DGCR8: variants seen among roughly 807,000 people sequenced by gnomAD.
DGCR8 encodes the protein DGCR8 microprocessor complex subunit.
In DGCR8, 14 loss-of-function variants were observed where a neutral mutation model predicts 78.5. That is an observed-to-expected ratio of 0.18 (90% CI 0.12 to 0.28). The LOEUF (loss-of-function observed/expected upper bound fraction) is 0.28. DGCR8 is among the 10% of genes least tolerant of loss of function. The pLI, the probability that DGCR8 is intolerant of heterozygous loss-of-function variation, is 1.00. For synonymous variants in DGCR8, 399 were observed against 402.4 expected (o/e 0.99, Z 0.10); for missense variants, 702 against 1,022.5 (o/e 0.69, Z 4.28).
chr22:20,102,206 T>C (rs1020519944), intron 9 of DGCR8: 8 of 388,910 alleles, frequency 2.1e-5, no homozygotes, highest in Non-Finnish European at 2.1e-5. Flanking sequence ...AGAACATTTC[T>C]GTACATTCCA....
At position 20,086,208 on chromosome 22, in the gene DGCR8, A is replaced by G. The variant is rs1290295244; in HGVS notation, c.245A>G (p.Lys82Arg). The G allele has an allele frequency of 1.9e-6, 3 of 1,613,938 alleles. No homozygotes were observed. The highest frequency in any genetic ancestry group is 1.3e-5 in the African/African-American group (1 of 74,878). The change falls in exon 2 of 14, where the codon AAG (lysine) becomes AGG (arginine). Residue 82 changes from lysine to arginine, a missense_variant. Around this residue, in one of 4 missense-constraint regions of DGCR8, gnomAD observed 356 missense variants for 448.9 expected, o/e 0.79. Transcript: ENST00000351989. This position sits in a 1 kb window ranked among gnomAD's most constrained non-coding sequence, Gnocchi z 6.4. The stretch of plus-strand genomic sequence containing the variant: ...CTTCTCTCCAAAGGATCCTTCTCTA[A>G]GGGCCGCCTCCTCATAGACCCGAAC... ...ASLLSKGSFS[K>R]GRLLIDPNCS...
chr22:20,103,117 A>C (rs1337546162), intron 9 of DGCR8, among the ~76,000 whole-genome samples: 2 of 151,870 alleles, frequency 1.3e-5, no homozygotes, highest in African/African-American at 4.8e-5. Context: ...CAGCCTGGGC[A>C]ACAAGAGCGA....
rs3827292 is a variant in DGCR8 at position 20,084,893 on chromosome 22, G to C, written c.-277-794G>C. ...GCTGTGGGTCTCCCCTCTCAAGTAG[G>C]AACCTACTTGTGGCATGAGAGTCGC... On this transcript the variant is annotated intron_variant, in intron 1 of 13. Transcript: ENST00000351989. 3,614 of 825,314 alleles carry C rather than the reference G, an allele frequency of 4.4e-3. 291 individuals carry two copies. In the East Asian group the frequency reaches 0.21, roughly 49 times the overall value. The allele number at this position is 825,314 out of a possible 1,614,324, so 51.1% of individuals were successfully genotyped here.
In DGCR8 at chr22:20,111,038, C is replaced by T. The variant is rs894005937; in HGVS notation, c.*930C>T. The T allele has an allele frequency of 7.5e-6, 3 of 397,422 alleles. No homozygotes were observed. The highest frequency in any genetic ancestry group is 1.3e-5 in the Non-Finnish European group (3 of 226,036). 24.6% of individuals were successfully genotyped at this position (397,422 alleles called of 1,614,324 possible). The stretch of plus-strand genomic sequence containing the variant: ...GGAATCATGCATTTTAGCAAGTGGA[C>T]TTGTTGAAACAGGAAGCAAGGGCCT... On this transcript the variant is annotated 3_prime_UTR_variant, in exon 14 of 14. Transcript: ENST00000351989.
In DGCR8 at chr22:20,087,390, A is replaced by G. The variant is rs912845185; in HGVS notation, c.880+69A>G. The G allele has an allele frequency of 5.9e-6, 9 of 1,515,824 alleles. No homozygotes were observed. In the African/African-American group the frequency reaches 9.7e-5, roughly 16 times the overall value. 93.9% of individuals were successfully genotyped at this position (1,515,824 alleles called of 1,614,324 possible). A position where few individuals can be genotyped will look rare whatever the true frequency, so the allele number is the denominator to read the frequency against. On this transcript the variant is annotated intron_variant, in intron 3 of 13. Coordinates refer to ENST00000351989, the MANE Select transcript of DGCR8 (RefSeq NM_022720.7). The surrounding 1 kb of genome is among the most constrained non-coding windows in gnomAD (Gnocchi z 4.1). Reference sequence around the variant, plus strand: ...AGGGGTGGTTGCTTCCTTAGCAGAAATGCTTTGAGAGAGCTCTGGTGCCAG... The same window carrying G: ...AGGGGTGGTTGCTTCCTTAGCAGAAGTGCTTTGAGAGAGCTCTGGTGCCAG...
chr22:20,080,542 T>C (rs2049405451), intron 1 of DGCR8, 159 bp downstream of exon 1: 3 of 950,814 alleles, frequency 3.2e-6, no homozygotes, highest in Non-Finnish European at 3.8e-6. Context: ...CCGCGGGCGG[T>C]GGAGAGCGCG....
At chr22:20,106,132 C>T (rs187458607) in intron 9 of DGCR8, 45 bp from the exon 10 acceptor site, 105 of 1,544,458 alleles carry the variant, frequency 6.8e-5, no homozygotes, top group Middle Eastern at 1.7e-4. Flanking sequence ...ATGAAGAGGC[C>T]GGTGGGCCTG....
At position 20,085,576 on chromosome 22, in the gene DGCR8, T is replaced by C. The variant is rs2049472018; in HGVS notation, c.-277-111T>C. On this transcript the variant is annotated intron_variant, in intron 1 of 13. Transcript: ENST00000351989. This position sits in a 1 kb window ranked among gnomAD's most constrained non-coding sequence, Gnocchi z 6.2. Reference sequence around the variant, plus strand: ...GCCTAAAAAGTCCTCTTAGGGAATATTATTTTGAAGCCCTTTACTATGCTG... The same window carrying C: ...GCCTAAAAAGTCCTCTTAGGGAATACTATTTTGAAGCCCTTTACTATGCTG... 1 of 867,782 alleles carries C rather than the reference T, an allele frequency of 1.2e-6. No homozygotes were observed. Among genetic ancestry groups the C allele is most frequent in the Non-Finnish European group, 1.5e-6 (1 of 656,734 alleles). The allele number at this position is 867,782 out of a possible 1,614,324, so 53.8% of individuals were successfully genotyped here. A position where few individuals can be genotyped will look rare whatever the true frequency, so the allele number is the denominator to read the frequency against.
chr22:20,107,578 T>G, intron 12 of DGCR8, 180 bp downstream of exon 12: 1 of 656,626 alleles, frequency 1.5e-6, no homozygotes, highest in Non-Finnish European at 2.6e-6. Flanking sequence ...CTACATCTCC[T>G]ATCCCAGCCT....
chr22:20,111,237 T>A lies in DGCR8; in HGVS notation c.*1129T>A, dbSNP rs1469078452. ...GAGGCACCAGGGTGTGCTCAAAGGC[T>A]GGCCCTGGTGGTGGACTGGCACCTG... On this transcript the variant is annotated 3_prime_UTR_variant, in exon 14 of 14. Coordinates refer to ENST00000351989, the MANE Select transcript of DGCR8 (RefSeq NM_022720.7). The A allele has an allele frequency of 1.8e-5, 7 of 398,770 alleles. No individual in the cohort carries two copies. Among genetic ancestry groups the A allele is most frequent in the Admixed American group, 8.8e-5 (2 of 22,710 alleles). The allele number at this position is 398,770 out of a possible 1,614,324, so 24.7% of individuals were successfully genotyped here.
At chr22:20,096,412 A>T (rs1016666328) in intron 9 of DGCR8, 4 of 984,260 alleles carry the variant, frequency 4.1e-6, no homozygotes, top group Non-Finnish European at 4.8e-6. Flanking sequence ...TTCAAGGGTC[A>T]GCCATGTGAA....
At chr22:20,104,770 G>A (rs146392041) in intron 9 of DGCR8, among the ~76,000 whole-genome samples, 1 of 152,204 alleles carries the variant, frequency 6.6e-6, no homozygotes, top group African/African-American at 2.4e-5. Context: ...AGGATTTTTC[G>A]CTTGCCAACC....
rs1568954479 is a variant in DGCR8 at position 20,090,234 on chromosome 22, G to A, written c.1282G>A (p.Glu428Lys). The A allele has an allele frequency of 1.9e-6, 3 of 1,609,616 alleles. No homozygotes were observed. The highest frequency in any genetic ancestry group is 2.5e-6 in the Non-Finnish European group (3 of 1,178,824). Residue 428 changes from glutamate to lysine, a missense_variant, in exon 5 of 14, where the codon GAG (glutamate) becomes AAG (lysine). Glu to Lys is a moderately conservative substitution (Grantham distance 56). This residue lies in a region of DGCR8 where 119 missense variants were observed against 126.1 expected (regional missense o/e 0.94). Coordinates refer to ENST00000351989, the MANE Select transcript of DGCR8 (RefSeq NM_022720.7). ...GALGQVKAKVEVCKDESVDLE... is the reference protein window; with the variant it reads ...GALGQVKAKVKVCKDESVDLE... ...CCTGGGGCAGGTGAAGGCCAAAGTC[G>A]AGGTGTGCAAAGATGAATCCGTTGG...
At chr22:20,108,823 G>C (rs1009467608) in intron 12 of DGCR8, 67 bp from the exon 13 acceptor site, 17 of 536,830 alleles carry the variant, frequency 3.2e-5, no homozygotes, top group Non-Finnish European at 5.2e-5. Context: ...GCACACAGCT[G>C]CTGGGCAGCG....
intron 13 of DGCR8, among the ~76,000 whole-genome samples, chr22:20,109,443 C>T (rs1410893152): frequency 2.0e-5 from 3 of 152,174 alleles, no homozygotes; most frequent in Non-Finnish European, 4.4e-5. Flanking sequence ...TGCCTGGCCA[C>T]GGCGTGACCT....
In DGCR8 at chr22:20,092,091, T is replaced by TA. The variant is rs1186473188; in HGVS notation, c.1606+122dup. ...ACTGGAACGGGAGGAAAGGGAAGGG[T>TA]AGAGAGCAGCGTGCTGCAGATGGGT... On this transcript the variant is annotated intron_variant, in intron 7 of 13. Coordinates refer to ENST00000351989, the MANE Select transcript of DGCR8 (RefSeq NM_022720.7). 7.8e-6 allele frequency: 6 copies of TA among 770,244 alleles called. No individual in the cohort carries two copies. In the Admixed American group the frequency reaches 1.2e-4, roughly 16 times the overall value. 47.7% of individuals were successfully genotyped at this position (770,244 alleles called of 1,614,324 possible).
chr22:20,092,550 C>T (rs138031926), intron 7 of DGCR8, among the ~76,000 whole-genome samples: 84 of 152,306 alleles, frequency 5.5e-4, no homozygotes, highest in African/African-American at 2.0e-3. Flanking sequence ...GGCTCTGCCC[C>T]CAGCCTCCTG....
At chr22:20,107,146 A>T in intron 11 of DGCR8, 125 bp from the exon 12 acceptor site, 2 of 1,052,292 alleles carry the variant, frequency 1.9e-6, no homozygotes, top group African/African-American at 1.6e-5. Context: ...AGTGCTGCCT[A>T]TTCCTGTAGA....
Position 20,094,699 on chromosome 22 carries a change from C to T in DGCR8, c.1706-14C>T, listed in dbSNP as rs1568956705. 1 of 1,611,878 alleles carries T rather than the reference C, an allele frequency of 6.2e-7. No individual in the cohort carries two copies. The highest frequency in any genetic ancestry group is 8.5e-7 in the Non-Finnish European group (1 of 1,178,246). The stretch of plus-strand genomic sequence containing the variant: ...AGTGCCCAAGCCTCACCCTCGGGCT[C>T]TTTTTTTTCATAGCCCGAGCTACAC... On this transcript the variant is annotated splice_polypyrimidine_tract_variant and intron_variant, in intron 8 of 13. Transcript: ENST00000351989.
Sources: allele counts gnomAD v4.1 joint callset (sites outside exome capture counted in the v4.1 genomes callset), GRCh38; gene constraint gnomAD v4.1.1; regional missense constraint gnomAD v4.1.1; non-coding constraint Gnocchi (gnomAD v3.1); transcripts MANE v1.5; gene names NCBI Gene and HGNC (gene_info 2026-07-23, HGNC 2026-07-21).